The following COPS2 variants were observed in gnomAD, a reference collection of about 807,000 sequenced individuals.
COPS2 encodes the protein COP9 signalosome complex subunit 2.
In COPS2, 10 loss-of-function variants were observed where a neutral mutation model predicts 66.1. The observed-to-expected ratio is 0.15, with a 90% CI of 0.09 to 0.26. The LOEUF (loss-of-function observed/expected upper bound fraction) is 0.26, where lower values mean the gene tolerates loss of function less well. COPS2 is among the 10% of genes least tolerant of loss of function. The pLI is 1.00. For synonymous variants in COPS2, 179 were observed against 171.3 expected, an observed-to-expected ratio of 1.04 and a Z score of -0.35; for missense variants, 215 against 513.3, an observed-to-expected ratio of 0.42 and a Z score of 5.62.
intron 2 of COPS2, 79 bp from the exon 3 acceptor site, chr15:49,144,383 A>T: frequency 1.2e-6 from 1 of 810,832 alleles, no homozygotes; most frequent in Admixed American, 2.1e-5. Flanking sequence ...GTAAGTATTG[A>T]ATTAATTTTA....
Position 49,123,945 on chromosome 15 carries a change from A to G in COPS2, c.*4005T>C, listed in dbSNP as rs1385148162. 1 of 152,242 alleles carries G rather than the reference A, an allele frequency of 6.6e-6. No homozygotes were observed. The highest frequency in any genetic ancestry group is 2.4e-5 in the African/African-American group (1 of 41,468). 9.4% of individuals were successfully genotyped at this position (152,242 alleles called of 1,614,324 possible). On this transcript the variant is annotated 3_prime_UTR_variant, in exon 13 of 13. Transcript: ENST00000388901. ...ACAGTTTAAATTTGTGGTGCTTAAT[A>G]TAACACAAATCCTCCAAATGGCATT...
At chr15:49,143,018 G>C (rs71394957) in intron 3 of COPS2, among the ~76,000 whole-genome samples, 10,125 of 152,214 alleles carry the variant, frequency 0.067, 461 homozygotes, top group East Asian at 0.18. Flanking sequence ...GTGACGATGG[G>C]AAGAATGCTA....
chr15:49,133,705 T>C, intron 9 of COPS2, 54 bp downstream of exon 9: 2 of 1,270,616 alleles, frequency 1.6e-6, no homozygotes, highest in Non-Finnish European at 2.2e-6. Flanking sequence ...TCTCACTCTT[T>C]CCTTTATGAA....
At chr15:49,129,779 A>G (rs2084195622) in intron 10 of COPS2, among the ~76,000 whole-genome samples, 1 of 152,118 alleles carries the variant, frequency 6.6e-6, no homozygotes, top group Non-Finnish European at 1.5e-5. Context: ...TTTTGTTGAC[A>G]TTGAGACTCT....
chr15:49,147,026 T>G lies in COPS2; in HGVS notation c.55-1948A>C, dbSNP rs560015263. Among the ~76,000 whole-genome samples the G allele has an allele frequency of 4.6e-5, 7 of 152,196 alleles. No individual in the cohort carries two copies. The South Asian group carries it at 1.2e-3, about 27-fold the overall frequency. ...TACCTCTCTTCATCTAGTTAACTAC[T>G]GCTTATCATTTCAGATCTCAGCCTA... On this transcript the variant is annotated intron_variant, in intron 1 of 12. Coordinates refer to ENST00000388901, the MANE Select transcript of COPS2 (RefSeq NM_004236.4).
intron 9 of COPS2, among the ~76,000 whole-genome samples, 173 bp from the exon 10 acceptor site, chr15:49,130,989 A>C (rs532612004): frequency 3.3e-5 from 5 of 152,132 alleles, no homozygotes; most frequent in East Asian, 1.9e-4. Flanking sequence ...GCCAAAAAAA[A>C]CATAAATTTC....
rs1051702148 is a variant in COPS2 at position 49,125,568 on chromosome 15, T to A, written c.*2382A>T. The A allele has an allele frequency of 1.3e-5, 2 of 152,100 alleles. No individual in the cohort carries two copies. The highest frequency in any genetic ancestry group is 1.3e-4 in the Admixed American group (2 of 15,286). The allele number at this position is 152,100 out of a possible 1,614,324, so 9.4% of individuals were successfully genotyped here. On this transcript the variant is annotated 3_prime_UTR_variant, in exon 13 of 13. Coordinates refer to ENST00000388901, the MANE Select transcript of COPS2 (RefSeq NM_004236.4). The stretch of plus-strand genomic sequence containing the variant: ...CCTAAATTTATATTTCGATAAGCAA[T>A]CTCTAAGATTTCAACTCTACAATAT...
intron 11 of COPS2, 45 bp downstream of exon 11, chr15:49,129,432 T>C (rs2084193493): frequency 1.2e-6 from 1 of 825,316 alleles, no homozygotes; most frequent in Non-Finnish European, 1.8e-6. Flanking sequence ...ACTGCATTTA[T>C]AACTATAAAT....
chr15:49,132,726 G>A (rs1343759170), intron 9 of COPS2, among the ~76,000 whole-genome samples: 2 of 151,868 alleles, frequency 1.3e-5, no homozygotes, highest in East Asian at 3.8e-4. Context: ...CAAAAACCCT[G>A]GGTTCCATTT....
chr15:49,134,139 C>A, intron 7 of COPS2, 31 bp from the exon 8 acceptor site: 2 of 1,567,600 alleles, frequency 1.3e-6, no homozygotes, highest in Non-Finnish European at 1.7e-6. Context: ...GAAAATAGGA[C>A]ATTTTCAGTT....
In COPS2 at chr15:49,137,174, T is replaced by C; in HGVS notation, c.516A>G (p.Leu172=). ...REEYGKLQKI[L]RQLHQSCQTD... is the part of the protein sequence containing the mutation. ...CCTGGCACGACTGATGTAACTGGCG[T>C]AAAATTTTTTGAAGCTTTCCATATT... Residue 172 remains leucine, a synonymous_variant, in exon 6 of 13, where the codon TTA becomes TTG. Coordinates refer to ENST00000388901, the MANE Select transcript of COPS2 (RefSeq NM_004236.4). The C allele has an allele frequency of 6.2e-7, 1 of 1,604,258 alleles. No individual in the cohort carries two copies. The highest frequency in any genetic ancestry group is 8.5e-7 in the Non-Finnish European group (1 of 1,177,048).
intron 1 of COPS2, among the ~76,000 whole-genome samples, chr15:49,150,413 A>G (rs2084351915): frequency 6.6e-6 from 1 of 152,124 alleles, no homozygotes; most frequent in Admixed American, 6.6e-5. Context: ...TATTGAATAC[A>G]TGTTCGCTAT....
At position 49,144,251 on chromosome 15, in the gene COPS2, T is replaced by C. The variant is rs762355911; in HGVS notation, c.222A>G (p.Gln74=). Residue 74 remains glutamine, a synonymous_variant, in exon 3 of 13, where the codon CAA becomes CAG. Coordinates refer to ENST00000388901, the MANE Select transcript of COPS2 (RefSeq NM_004236.4). ...KGEWGFKALK[Q]MIKINFKLTN... is the part of the protein sequence containing the mutation. Reference sequence around the variant, plus strand: ...CCAACTTGAAGTTAATCTTAATCATTTGTTTCAGTGCTTTAAATCCCCATT... The same window carrying C: ...CCAACTTGAAGTTAATCTTAATCATCTGTTTCAGTGCTTTAAATCCCCATT... 10 of 1,610,056 alleles carry C rather than the reference T, an allele frequency of 6.2e-6. No homozygotes were observed. The East Asian group carries it at 1.8e-4, about 29-fold the overall frequency.
rs1159683314 is a variant in COPS2, at chr15:49,125,986, A to C, written c.*1964T>G. ...AATTCCATCAACTCAAAAGTTAAGA[A>C]GGGCTTTAGCTTTCAAGGGTTATCA... is the stretch of plus-strand genomic sequence containing the variant. On this transcript the variant is annotated 3_prime_UTR_variant, in exon 13 of 13. Coordinates refer to ENST00000388901, the MANE Select transcript of COPS2 (RefSeq NM_004236.4). 1 of 152,320 alleles carries C rather than the reference A, an allele frequency of 6.6e-6. No individual in the cohort carries two copies. 9.4% of individuals were successfully genotyped at this position (152,320 alleles called of 1,614,324 possible).
chr15:49,148,174 C>A (rs541517437), intron 1 of COPS2, among the ~76,000 whole-genome samples: 86 of 152,234 alleles, frequency 5.6e-4, no homozygotes, highest in Non-Finnish European at 1.0e-3. Context: ...TATTTATACT[C>A]AAAAATCATG....
intron 9 of COPS2, among the ~76,000 whole-genome samples, chr15:49,131,758 C>A (rs1342173386): frequency 6.6e-6 from 1 of 152,106 alleles, no homozygotes; most frequent in African/African-American, 2.4e-5. Context: ...GCATTGAAAA[C>A]ACTTGCACAA....
intron 1 of COPS2, among the ~76,000 whole-genome samples, chr15:49,151,674 A>G (rs1171328037): frequency 6.6e-6 from 1 of 152,078 alleles, no homozygotes; most frequent in Non-Finnish European, 1.5e-5. Context: ...ATTAAATGTC[A>G]TTTACTAGCA....
rs552027113 is a variant in COPS2 at position 49,124,356 on chromosome 15, G to A, written c.*3594C>T. The A allele has an allele frequency of 5.9e-5, 9 of 151,830 alleles. No individual in the cohort carries two copies. Among genetic ancestry groups the A allele is most frequent in the African/African-American group, 1.9e-4 (8 of 41,292 alleles). The allele number at this position is 151,830 out of a possible 1,614,324, so 9.4% of individuals were successfully genotyped here. Reference sequence around the variant, plus strand: ...CACTGCACTCCAGCCTGGGTGACAAGAGCGAAACTGTTTCCAAAAAAAGCA... The same window carrying A: ...CACTGCACTCCAGCCTGGGTGACAAAAGCGAAACTGTTTCCAAAAAAAGCA... On this transcript the variant is annotated 3_prime_UTR_variant, in exon 13 of 13. Transcript: ENST00000388901.
At position 49,133,800 on chromosome 15, in the gene COPS2, G is replaced by T; in HGVS notation, c.906C>A (p.Tyr302Ter). The T allele has an allele frequency of 6.2e-7, 1 of 1,601,306 alleles. No individual in the cohort carries two copies. Among genetic ancestry groups the T allele is most frequent in the Non-Finnish European group, 8.5e-7 (1 of 1,175,490 alleles). ...TTGCTAAAATTTCTGGATCATTTTT[G>T]TACGGCTTGGCCTAAACACAGTAAA... Reference protein sequence around the residue: ...NPFDSQEAKPYKNDPEILAMT... With the variant: ...NPFDSQEAKP The change falls in exon 9 of 13, where the codon TAC becomes TAA. Residue 302 changes from tyrosine to a stop codon, truncating the protein, a stop_gained. Transcript: ENST00000388901. LOFTEE classifies it high-confidence loss of function.
Sources: gnomAD v4.1 joint callset for allele counts (sites outside exome capture counted in the v4.1 genomes callset) on GRCh38, gnomAD v4.1.1 for gene constraint, MANE v1.5 for transcripts, NCBI Gene and HGNC (gene_info 2026-07-23, HGNC 2026-07-21) for gene names.